The following ZNF541 variants were observed in gnomAD, a reference collection of about 807,000 sequenced individuals.
The protein encoded by ZNF541 is zinc finger protein 541.
Under a neutral mutation model 123.5 loss-of-function variants are expected in ZNF541, and 23 were observed. That is an observed-to-expected ratio of 0.19 (90% CI 0.13 to 0.26). The LOEUF is 0.26. Among genes scored for constraint, ZNF541 ranks in the 10% least tolerant of loss-of-function variants. The pLI is 1.00. For missense variants in ZNF541, 1,612 were observed against 1,789.9 expected (o/e 0.90, Z 1.79); for synonymous variants, 751 against 754.5 (o/e 1.00, Z 0.08).
intron 2 of ZNF541, among the ~76,000 whole-genome samples, chr19:47,567,524 C>T (rs977548678): frequency 6.6e-6 from 1 of 152,206 alleles, no homozygotes; most frequent in African/African-American, 2.4e-5. Context: ...CTTCCCAAAG[C>T]GCTGGGATTA....
rs530608158 is a variant in ZNF541 at position 47,567,037 on chromosome 19, C to T, written c.-99+4859G>A. On this transcript the variant is annotated intron_variant, in intron 2 of 16. Coordinates refer to ENST00000391901, the MANE Select transcript of ZNF541 (RefSeq NM_001277075.3). ...CTGCACTCCAGCCTGGGCCACAGAG[C>T]GAGACTCCATCTCAAAAATAAATAA... 1.0e-3 allele frequency among the ~76,000 whole-genome samples: 152 copies of T among 151,250 alleles called. 1 individual carries two copies. Among genetic ancestry groups the T allele is most frequent in the Non-Finnish European group, 1.9e-3 (130 of 67,814 alleles).
intron 2 of ZNF541, among the ~76,000 whole-genome samples, chr19:47,558,241 C>G (rs1158716110): frequency 1.3e-5 from 2 of 151,870 alleles, no homozygotes; most frequent in African/African-American, 2.4e-5. Context: ...ACGGTGAAAC[C>G]CCATCTCTAT....
intron 8 of ZNF541, among the ~76,000 whole-genome samples, chr19:47,539,035 A>T (rs1969959668): frequency 6.6e-6 from 1 of 151,576 alleles, no homozygotes; most frequent in African/African-American, 2.4e-5. Context: ...GCCCTCCCTT[A>T]CCTCCTCAGG....
intron 2 of ZNF541, among the ~76,000 whole-genome samples, chr19:47,561,144 T>C (rs1971045731): frequency 6.6e-6 from 1 of 152,180 alleles, no homozygotes; most frequent in Non-Finnish European, 1.5e-5. Flanking sequence ...CCTGACATTA[T>C]ACCATAGTCA....
intron 8 of ZNF541, among the ~76,000 whole-genome samples, chr19:47,539,164 G>A (rs2123059485): frequency 6.6e-6 from 1 of 152,278 alleles, no homozygotes; most frequent in South Asian, 2.1e-4. Context: ...AGCCCTGGGA[G>A]GCAGGGCCCA....
At chr19:47,558,489 G>C (rs1368545812) in intron 2 of ZNF541, among the ~76,000 whole-genome samples, 1 of 151,754 alleles carries the variant, frequency 6.6e-6, no homozygotes, top group East Asian at 1.9e-4. Context: ...TAAAAAATTA[G>C]ATAACTTAGA....
rs1299897688 is a variant in ZNF541 at position 47,521,412 on chromosome 19, G to C, written c.3888-35C>G. On this transcript the variant is annotated intron_variant, in intron 16 of 16. Coordinates refer to ENST00000391901, the MANE Select transcript of ZNF541 (RefSeq NM_001277075.3). This position sits in a 1 kb window ranked among gnomAD's most constrained non-coding sequence, Gnocchi z 4.2. ...CACCAGAGGACATGGGGTCAGAGCA[G>C]GGAGGAAGGGATCACAGGGGCTGAG... 2 of 1,550,968 alleles carry C rather than the reference G, an allele frequency of 1.3e-6. No homozygotes were observed. The highest frequency in any genetic ancestry group is 8.7e-7 in the Non-Finnish European group (1 of 1,146,266).
chr19:47,573,266 G>C (rs1599756819), upstream of ZNF541, among the ~76,000 whole-genome samples: 1 of 151,916 alleles, frequency 6.6e-6, no homozygotes, highest in Non-Finnish European at 1.5e-5. Context: ...TCCCAGAGCG[G>C]CCTCGCGCGT....
intron 9 of ZNF541, among the ~76,000 whole-genome samples, chr19:47,535,815 G>A (rs149695860): frequency 6.2e-4 from 93 of 151,126 alleles, no homozygotes; most frequent in African/African-American, 2.0e-3. Context: ...CTCCGCTGCC[G>A]AGACCAGCTC....
At chr19:47,548,442 C>CAAAAAAAAAAA (rs574466068) in intron 4 of ZNF541, among the ~76,000 whole-genome samples, 35 of 60,050 alleles carry the variant, frequency 5.8e-4, no homozygotes, top group African/African-American at 7.8e-4. Context: ...GACTCCATCT[C>CAAAAAAAAAAA]AAAAAAAAAA....
At chr19:47,524,150 A>G (rs1969176258) in intron 14 of ZNF541, among the ~76,000 whole-genome samples, 1 of 152,226 alleles carries the variant, frequency 6.6e-6, no homozygotes, top group Admixed American at 6.5e-5. Flanking sequence ...TAAAAAATCT[A>G]AAACTGAACC....
chr19:47,521,558 T>G lies in ZNF541; in HGVS notation c.3808A>C (p.Asn1270His). ...RRESILSSSP[N>H]AGSKRTPELL... is the part of the protein sequence containing the mutation. ...TCGGGGGTCCGCTTGGAGCCTGCAT[T>G]TGGGCTGGAGCTGAGGATGGACTCC... The change falls in exon 16 of 17, where the codon AAT becomes CAT. Residue 1270 changes from asparagine to histidine, a missense_variant. Transcript: ENST00000391901. This position sits in a 1 kb window ranked among gnomAD's most constrained non-coding sequence, Gnocchi z 4.2. 6.4e-7 allele frequency: 1 copy of G among 1,551,618 alleles called. No homozygotes were observed. Among genetic ancestry groups the G allele is most frequent in the Non-Finnish European group, 8.7e-7 (1 of 1,146,958 alleles).
At chr19:47,571,721 C>T (rs1971483931) in intron 2 of ZNF541, among the ~76,000 whole-genome samples, 175 bp downstream of exon 2, 1 of 151,924 alleles carries the variant, frequency 6.6e-6, no homozygotes, top group Admixed American at 6.6e-5. Context: ...CTCCTCCTAA[C>T]AGGTCAACAT....
intron 2 of ZNF541, among the ~76,000 whole-genome samples, chr19:47,558,663 A>G (rs886976752): frequency 6.7e-6 from 1 of 149,298 alleles, no homozygotes; most frequent in Admixed American, 6.7e-5. Flanking sequence ...GCGCAATCTC[A>G]GCTCACTGCA....
At chr19:47,538,594 A>G in intron 8 of ZNF541, 155 bp from the exon 9 acceptor site, 2 of 707,052 alleles carry the variant, frequency 2.8e-6, no homozygotes. Context: ...CCTGAGCCAG[A>G]CCTGACGTAC....
In ZNF541 at chr19:47,557,334, C is replaced by T. The variant is rs1970865068; in HGVS notation, c.-98-1380G>A. On this transcript the variant is annotated intron_variant, in intron 2 of 16. Coordinates refer to ENST00000391901, the MANE Select transcript of ZNF541 (RefSeq NM_001277075.3). ...ACTAAATAAATGAAAAGAAAAGCTT[C>T]ACACAAGCCTAGAAAAGTACCCCCA... Among the ~76,000 whole-genome samples, 3 of 152,052 alleles carry T rather than the reference C, an allele frequency of 2.0e-5. No individual in the cohort carries two copies. The South Asian group carries it at 6.2e-4, about 31-fold the overall frequency.
intron 7 of ZNF541, 80 bp downstream of exon 7, chr19:47,540,096 A>G: frequency 2.0e-6 from 3 of 1,473,126 alleles, no homozygotes; most frequent in Non-Finnish European, 2.7e-6. Context: ...ATCCTGAGAT[A>G]AGTGACACCA....
chr19:47,524,663 G>A (rs535387041), intron 14 of ZNF541, among the ~76,000 whole-genome samples: 22 of 148,210 alleles, frequency 1.5e-4, no homozygotes, highest in East Asian at 1.0e-3. Flanking sequence ...AGCTGAGATC[G>A]TACCACTGCA....
In ZNF541 at chr19:47,545,926, C is replaced by G; in HGVS notation, c.603G>C (p.Gln201His). 6.6e-7 allele frequency: 1 copy of G among 1,526,218 alleles called. No homozygotes were observed. Among genetic ancestry groups the G allele is most frequent in the Non-Finnish European group, 8.8e-7 (1 of 1,132,292 alleles). The allele number at this position is 1,526,218 out of a possible 1,614,324, so 94.5% of individuals were successfully genotyped here. Residue 201 changes from glutamine to histidine, a missense_variant, in exon 5 of 17, where the codon CAG becomes CAC. By Grantham distance (24) the Gln-to-His change is conservative. Coordinates refer to ENST00000391901, the MANE Select transcript of ZNF541 (RefSeq NM_001277075.3). The surrounding 1 kb of genome is among the most constrained non-coding windows in gnomAD (Gnocchi z 7.5). Reference protein sequence around the residue: ...QKTKPFVCIEQGCSKSYCDYR... With the variant: ...QKTKPFVCIEHGCSKSYCDYR... Reference sequence around the variant, plus strand: ...AGTCGCAGTAGCTCTTGCTGCAGCCCTGCTCGATGCACACGAAGGGCTTTG... The same window carrying G: ...AGTCGCAGTAGCTCTTGCTGCAGCCGTGCTCGATGCACACGAAGGGCTTTG...
Sources: gnomAD v4.1 joint callset for allele counts (sites outside exome capture counted in the v4.1 genomes callset) on GRCh38, gnomAD v4.1.1 for gene constraint, Gnocchi (gnomAD v3.1) non-coding constraint, MANE v1.5 for transcripts, NCBI Gene and HGNC (gene_info 2026-07-23, HGNC 2026-07-21) for gene names.